Variants in CDC42SE2 observed in about 807,000 individuals in gnomAD.
CDC42SE2 encodes the protein CDC42 small effector 2.
A neutral mutation model predicts 11.5 loss-of-function variants in CDC42SE2; 3 were observed. The observed-to-expected ratio is 0.26, with a 90% CI of 0.12 to 0.67. The LOEUF (loss-of-function observed/expected upper bound fraction) is 0.67. Among genes scored for constraint, CDC42SE2 ranks in the 30% least tolerant of loss-of-function variants. The probability of loss-of-function intolerance (pLI) is 0.80; values close to 1 mark genes in which losing one functional copy is unlikely to be tolerated. For synonymous variants in CDC42SE2, 33 were observed against 34.8 expected, an observed-to-expected ratio of 0.95 and a Z score of 0.18; for missense variants, 82 against 106.8, an observed-to-expected ratio of 0.77 and a Z score of 1.02.
chr5:131,359,813 T>C (rs1293989878), intron 3 of CDC42SE2, among the ~76,000 whole-genome samples: 1 of 152,088 alleles, frequency 6.6e-6, no homozygotes, highest in Non-Finnish European at 1.5e-5. Context: ...GGAGGAATAG[T>C]GAGAGAAAAA....
intron 1 of CDC42SE2, among the ~76,000 whole-genome samples, chr5:131,285,950 T>C (rs1280751683): frequency 1.3e-5 from 2 of 152,118 alleles, no homozygotes; most frequent in Non-Finnish European, 2.9e-5. Flanking sequence ...GCTTCCATTA[T>C]CACTTCTGCT....
intron 2 of CDC42SE2, among the ~76,000 whole-genome samples, chr5:131,316,916 T>C (rs1758053383): frequency 6.6e-6 from 1 of 152,234 alleles, no homozygotes; most frequent in South Asian, 2.1e-4. Flanking sequence ...TGTTTTTTAG[T>C]GTCGCACACA....
intron 2 of CDC42SE2, among the ~76,000 whole-genome samples, chr5:131,326,685 A>G (rs1197311194): frequency 6.6e-6 from 1 of 152,102 alleles, no homozygotes; most frequent in Non-Finnish European, 1.5e-5. Context: ...CATGATGATT[A>G]TGTGGTTTTG....
chr5:131,266,704 C>T (rs553482955), intron 1 of CDC42SE2, among the ~76,000 whole-genome samples: 144 of 152,014 alleles, frequency 9.5e-4, no homozygotes, highest in African/African-American at 3.2e-3. Flanking sequence ...GTGATCTGCC[C>T]GCCTCGGCCT....
intron 1 of CDC42SE2, among the ~76,000 whole-genome samples, chr5:131,252,810 CAT>C (rs1756652108): frequency 6.6e-6 from 1 of 152,244 alleles, no homozygotes. Context: ...TGATTTTATA[CAT>C]GTTATTCTTC....
chr5:131,294,252 A>ATTTGG (rs1414306520), intron 1 of CDC42SE2, among the ~76,000 whole-genome samples: 1 of 152,170 alleles, frequency 6.6e-6, no homozygotes, highest in Non-Finnish European at 1.5e-5. Context: ...CTGTGATCCA[A>ATTTGG]ATCTGGATCA....
chr5:131,355,974 G>A (rs568065047), intron 2 of CDC42SE2, among the ~76,000 whole-genome samples: 2 of 152,296 alleles, frequency 1.3e-5, no homozygotes, highest in African/African-American at 4.8e-5. Flanking sequence ...TTCTACTCAT[G>A]TCAGTCTCAT....
At chr5:131,324,453 C>G (rs1758257203) in intron 2 of CDC42SE2, among the ~76,000 whole-genome samples, 1 of 152,046 alleles carries the variant, frequency 6.6e-6, no homozygotes, top group African/African-American at 2.4e-5. Flanking sequence ...CCTTTATATC[C>G]CTTTCCGTAG....
At chr5:131,310,554 A>G (rs372496325) in intron 1 of CDC42SE2, among the ~76,000 whole-genome samples, 17,190 of 149,328 alleles carry the variant, frequency 0.12, 2,168 homozygotes, top group African/African-American at 0.33. Context: ...GGGTGTTAAA[A>G]TCTCCCATTA....
At chr5:131,310,751 GA>G (rs777978013) in intron 1 of CDC42SE2, among the ~76,000 whole-genome samples, 1 of 151,942 alleles carries the variant, frequency 6.6e-6, no homozygotes, top group Non-Finnish European at 1.5e-5. Context: ...TTTTATCAGA[GA>G]CTAGGATTGC....
upstream of CDC42SE2, among the ~76,000 whole-genome samples, chr5:131,259,038 A>G (rs1425542625): frequency 6.6e-6 from 1 of 152,218 alleles, no homozygotes; most frequent in South Asian, 2.1e-4. Flanking sequence ...AGTCACAGAA[A>G]GGGCCACTGT....
the CDC42SE2 span, among the ~76,000 whole-genome samples, chr5:131,228,946 A>G: frequency 1.3e-5 from 2 of 152,316 alleles, no homozygotes; most frequent in Middle Eastern, 6.8e-3. Flanking sequence ...ACTCTGAGAA[A>G]ATTAATTTCT....
chr5:131,338,912 T>C (rs192898657), intron 2 of CDC42SE2, among the ~76,000 whole-genome samples: 333 of 152,202 alleles, frequency 2.2e-3, no homozygotes, highest in Middle Eastern at 0.02. Flanking sequence ...AGCCTGACCT[T>C]GTGAATTTCG....
intron 3 of CDC42SE2, among the ~76,000 whole-genome samples, chr5:131,383,836 A>G (rs548781513): frequency 6.6e-6 from 1 of 152,236 alleles, no homozygotes; most frequent in South Asian, 2.1e-4. Flanking sequence ...CTGCAAGGTT[A>G]TAATATTTAC....
At chr5:131,343,923 C>T (rs1430099522) in intron 2 of CDC42SE2, among the ~76,000 whole-genome samples, 1 of 152,124 alleles carries the variant, frequency 6.6e-6, no homozygotes, top group Non-Finnish European at 1.5e-5. Context: ...CACACTCTTT[C>T]ATGTTTGAGC....
intron 1 of CDC42SE2, among the ~76,000 whole-genome samples, chr5:131,293,733 C>G (rs955987121): frequency 2.0e-5 from 3 of 152,152 alleles, no homozygotes; most frequent in Non-Finnish European, 4.4e-5. Context: ...CAGGCTAAGA[C>G]AAGTAAGAAC....
intron 1 of CDC42SE2, among the ~76,000 whole-genome samples, chr5:131,313,433 T>TA (rs1757974115): frequency 6.6e-6 from 1 of 152,234 alleles, no homozygotes; most frequent in Non-Finnish European, 1.5e-5. Context: ...TGTTTTAGTT[T>TA]ACTAATCTTT....
intron 2 of CDC42SE2, among the ~76,000 whole-genome samples, chr5:131,256,005 T>C (rs1017161882): frequency 6.6e-6 from 1 of 152,154 alleles, no homozygotes; most frequent in African/African-American, 2.4e-5. Context: ...AACAAACCCA[T>C]ATCCGCCTGA....
the CDC42SE2 span, among the ~76,000 whole-genome samples, chr5:131,221,614 A>C: frequency 1.3e-5 from 2 of 152,184 alleles, no homozygotes; most frequent in Non-Finnish European, 2.9e-5. Context: ...AAAACAAAAC[A>C]AAATAAGTGG....
Sources: gnomAD v4.1 joint callset for allele counts (sites outside exome capture counted in the v4.1 genomes callset) on GRCh38, gnomAD v4.1.1 for gene constraint, MANE v1.5 for transcripts, NCBI Gene and HGNC (gene_info 2026-07-23, HGNC 2026-07-21) for gene names.